Variants in RBKS observed in about 807,000 individuals in gnomAD.
RBKS encodes ribokinase.
In RBKS, 33 loss-of-function variants were observed where a neutral mutation model predicts 33.9. That is an observed-to-expected ratio of 0.97 (90% CI 0.74 to 1.30). RBKS has a LOEUF of 1.30. RBKS is among the 50% of genes most tolerant of loss of function. RBKS has a pLI of 0.00. For synonymous variants in RBKS, 125 were observed against 143.0 expected (o/e 0.87, Z 0.90); for missense variants, 361 against 392.6 (o/e 0.92, Z 0.68).
At chr2:27,836,288 G>A (rs570332641) in intron 5 of RBKS, among the ~76,000 whole-genome samples, 130 of 152,238 alleles carry the variant, frequency 8.5e-4, no homozygotes, top group African/African-American at 3.1e-3. Context: ...TATAACATCT[G>A]GGTTTTGCTT....
chr2:27,834,655 T>C (rs1442945557), intron 5 of RBKS, among the ~76,000 whole-genome samples: 1 of 152,150 alleles, frequency 6.6e-6, no homozygotes, highest in Non-Finnish European at 1.5e-5. Context: ...ACTTAAACTT[T>C]TTAGGTTTTC....
At chr2:27,842,004 C>A (rs1663522636) in intron 5 of RBKS, among the ~76,000 whole-genome samples, 1 of 152,116 alleles carries the variant, frequency 6.6e-6, no homozygotes, top group African/African-American at 2.4e-5. Flanking sequence ...ATGTACTACA[C>A]CATGCTTGGC....
chr2:27,842,246 G>A (rs1382395760), intron 5 of RBKS, among the ~76,000 whole-genome samples: 2 of 152,138 alleles, frequency 1.3e-5, no homozygotes, highest in Non-Finnish European at 2.9e-5. Flanking sequence ...TTTGCTGGAG[G>A]TGAGAAAAGA....
rs1229681207 is a variant in RBKS at position 27,810,007 on chromosome 2, A to G, written c.795+17560T>C. 3 of 1,304,194 alleles carry G rather than the reference A, an allele frequency of 2.3e-6. No homozygotes were observed. Among genetic ancestry groups the G allele is most frequent in the East Asian group, 5.5e-5 (1 of 18,026 alleles). The allele number at this position is 1,304,194 out of a possible 1,614,324, so 80.8% of individuals were successfully genotyped here. On this transcript the variant is annotated intron_variant, in intron 7 of 7. Transcript: ENST00000302188. This position sits in a 1 kb window ranked among gnomAD's most constrained non-coding sequence, Gnocchi z 4.4. ...ATTTATAATGTTTCTGCTTCTTCACACTTGCTGCTTCACTCTTGGGTCTTG... is the reference window on the plus strand; with the variant it reads ...ATTTATAATGTTTCTGCTTCTTCACGCTTGCTGCTTCACTCTTGGGTCTTG...
chr2:27,869,098 C>T (rs1363273970), intron 1 of RBKS, among the ~76,000 whole-genome samples: 1 of 152,074 alleles, frequency 6.6e-6, no homozygotes, highest in Non-Finnish European at 1.5e-5. Flanking sequence ...GATGGCAGGG[C>T]CAGGATTCAA....
At chr2:27,804,853 C>T (rs751909649) in intron 7 of RBKS, among the ~76,000 whole-genome samples, 2 of 152,050 alleles carry the variant, frequency 1.3e-5, no homozygotes, top group African/African-American at 2.4e-5. Context: ...GGCAAAACCT[C>T]GTCTCTACAA....
intron 7 of RBKS, among the ~76,000 whole-genome samples, chr2:27,804,090 G>C (rs1206452510): frequency 1.3e-5 from 2 of 152,136 alleles, no homozygotes; most frequent in Non-Finnish European, 2.9e-5. Flanking sequence ...ACTTTCATAT[G>C]AATCAAGTCT....
At chr2:27,878,787 A>G (rs1296956576) in intron 1 of RBKS, among the ~76,000 whole-genome samples, 5 of 152,106 alleles carry the variant, frequency 3.3e-5, no homozygotes, top group East Asian at 1.9e-4. Context: ...GCCAGTGATG[A>G]TGAGCATTTT....
At chr2:27,858,186 T>C (rs1156249751) in intron 2 of RBKS, among the ~76,000 whole-genome samples, 1 of 152,196 alleles carries the variant, frequency 6.6e-6, no homozygotes, top group Non-Finnish European at 1.5e-5. Flanking sequence ...TGAAGACTGG[T>C]GGTTCCCAGG....
At chr2:27,782,363 T>TA (rs1201172139) in intron 7 of RBKS, among the ~76,000 whole-genome samples, 22 of 146,772 alleles carry the variant, frequency 1.5e-4, no homozygotes, top group East Asian at 7.9e-4. Context: ...AAATTTTAAT[T>TA]AAAAAAAAAA....
intron 1 of RBKS, among the ~76,000 whole-genome samples, chr2:27,862,064 T>C (rs749327220): frequency 6.6e-6 from 1 of 151,260 alleles, no homozygotes; most frequent in South Asian, 2.1e-4. Context: ...CCTCCCACCT[T>C]AGCCTCCCAG....
chr2:27,801,324 C>T (rs1677775722), intron 7 of RBKS, among the ~76,000 whole-genome samples: 1 of 152,086 alleles, frequency 6.6e-6, no homozygotes, highest in Admixed American at 6.5e-5. Context: ...AAGGGCCCTG[C>T]CTACAGCCTT....
chr2:27,824,394 C>G (rs545159500), intron 7 of RBKS, among the ~76,000 whole-genome samples: 2 of 152,164 alleles, frequency 1.3e-5, no homozygotes, highest in Admixed American at 6.5e-5. Flanking sequence ...TCCTCCTCCC[C>G]CTAGTCCCTA....
intron 5 of RBKS, among the ~76,000 whole-genome samples, chr2:27,840,120 C>A (rs956353258): frequency 8.0e-5 from 12 of 150,562 alleles, no homozygotes; most frequent in Admixed American, 6.6e-4. Context: ...CCTGGGTTCA[C>A]ACCATTCTCC....
intron 7 of RBKS, among the ~76,000 whole-genome samples, chr2:27,817,758 T>C (rs1165370742): frequency 6.6e-6 from 1 of 152,136 alleles, no homozygotes; most frequent in African/African-American, 2.4e-5. Flanking sequence ...GCCTGTATCA[T>C]GACAAGTCAC....
intron 7 of RBKS, among the ~76,000 whole-genome samples, chr2:27,788,804 AAT>A (rs1281275047): frequency 6.6e-6 from 1 of 152,224 alleles, no homozygotes; most frequent in Non-Finnish European, 1.5e-5. Flanking sequence ...AATTTAACTG[AAT>A]ATGTGTAAGA....
chr2:27,889,880 T>G (rs572201525), intron 1 of RBKS: 1 of 206,560 alleles, frequency 4.8e-6, no homozygotes, highest in Non-Finnish European at 9.7e-6. Flanking sequence ...CCCTGTGAGG[T>G]AGGCACATTC....
intron 7 of RBKS, among the ~76,000 whole-genome samples, chr2:27,800,730 G>A (rs1201508935): frequency 1.3e-5 from 2 of 152,136 alleles, no homozygotes; most frequent in African/African-American, 2.4e-5. Context: ...GCTGTGACTG[G>A]CTTTATGTTT....
rs563939180 is a variant in RBKS at position 27,878,544 on chromosome 2, C to G, written c.89+11713G>C. ...GATTTATAGTCCTTTGGATATATAC[C>G]CAGTAATGGGATGGCTGGGTCAAAT... On this transcript the variant is annotated intron_variant, in intron 1 of 7. Transcript: ENST00000302188. 2.0e-5 allele frequency among the ~76,000 whole-genome samples: 3 copies of G among 152,086 alleles called. No homozygotes were observed. In the East Asian group the frequency reaches 5.8e-4, roughly 29 times the overall value.
Sources: allele counts gnomAD v4.1 joint callset (sites outside exome capture counted in the v4.1 genomes callset), GRCh38; gene constraint gnomAD v4.1.1; non-coding constraint Gnocchi (gnomAD v3.1); transcripts MANE v1.5; gene names NCBI Gene and HGNC (gene_info 2026-07-23, HGNC 2026-07-21).